Variants in RFFL observed in about 807,000 individuals in gnomAD.
RFFL encodes E3 ubiquitin-protein ligase rififylin.
RFFL carries 16 observed loss-of-function variants against 40.4 expected under a neutral mutation model. The ratio of observed to expected loss-of-function variants is 0.40; its 90% CI spans 0.27 to 0.60. The LOEUF is 0.60. Among genes scored for constraint, RFFL ranks in the 20% least tolerant of loss-of-function variants. RFFL has a pLI of 0.47. For synonymous variants in RFFL, 154 were observed against 167.9 expected, an observed-to-expected ratio of 0.92 and a Z score of 0.64; for missense variants, 367 against 451.7, an observed-to-expected ratio of 0.81 and a Z score of 1.70.
intron 3 of RFFL, among the ~76,000 whole-genome samples, chr17:35,018,445 C>G (rs1030689872): frequency 2.6e-5 from 4 of 152,174 alleles, no homozygotes; most frequent in Non-Finnish European, 5.9e-5. Context: ...ATTCCATCAC[C>G]ATTTAAGCCA....
chr17:35,085,744 G>A (rs1309132453), intron 1 of RFFL, among the ~76,000 whole-genome samples: 1 of 152,146 alleles, frequency 6.6e-6, no homozygotes, highest in Non-Finnish European at 1.5e-5. Flanking sequence ...CAGATTTTAT[G>A]CTTTAAAAAG....
chr17:35,014,385 C>T (rs2090960221), intron 6 of RFFL, among the ~76,000 whole-genome samples: 1 of 152,160 alleles, frequency 6.6e-6, no homozygotes, highest in South Asian at 2.1e-4. Context: ...GAGACCCTCC[C>T]TACCCAGACC....
At chr17:35,030,678 A>C (rs991510489) in intron 1 of RFFL, among the ~76,000 whole-genome samples, 1 of 151,460 alleles carries the variant, frequency 6.6e-6, no homozygotes, top group Admixed American at 6.6e-5. Context: ...CAAGTGATCC[A>C]CCTGCCTTGG....
At chr17:35,079,920 A>C (rs1300989264) in intron 1 of RFFL, among the ~76,000 whole-genome samples, 1 of 152,210 alleles carries the variant, frequency 6.6e-6, no homozygotes, top group East Asian at 1.9e-4. Context: ...GACAAACATA[A>C]GAGAATCTGG....
Position 35,033,399 on chromosome 17 carries a change from G to A in RFFL, c.-8-6838C>T, listed in dbSNP as rs189803797. ...CAAAATTACCCGGGTATGGTAGCAC[G>A]CGCCTGTAATCCAAGCTACTGGGGA... On this transcript the variant is annotated intron_variant, in intron 1 of 6. Coordinates refer to ENST00000394597, the MANE Select transcript of RFFL (RefSeq NM_001017368.2). Among the ~76,000 whole-genome samples, 12 of 151,902 alleles carry A rather than the reference G, an allele frequency of 7.9e-5. 1 individual carries two copies. The highest frequency in any genetic ancestry group is 2.1e-4 in the South Asian group (1 of 4,812).
In RFFL at chr17:35,021,470, C is replaced by T. The variant is rs1019668786; in HGVS notation, c.492G>A (p.Gln164=). The change falls in exon 3 of 7, where the codon CAG becomes CAA. Residue 164 remains glutamine, a synonymous_variant. Transcript: ENST00000394597. ...TAGGTGGAACCATGCTGGAGTGAGG[C>T]TGGGTCAGGAAGGCCTGCTGCTCAG... The part of the protein sequence containing the change: ...DFPEQQAFLT[Q]PHSSMVPPTS... 1.9e-6 allele frequency: 3 copies of T among 1,575,454 alleles called. No individual in the cohort carries two copies. The highest frequency in any genetic ancestry group is 2.6e-6 in the Non-Finnish European group (3 of 1,162,008).
chr17:35,042,768 T>C (rs2091174270), intron 1 of RFFL, among the ~76,000 whole-genome samples: 1 of 137,740 alleles, frequency 7.3e-6, no homozygotes, highest in African/African-American at 2.8e-5. Context: ...GAGGTTGCAG[T>C]GAGCTGAGAT....
At position 35,007,270 on chromosome 17, in the gene RFFL, G is replaced by A. The variant is rs2090901960; in HGVS notation, c.*4698C>T. ...TCTTGTCCCTTCTCTGCCTTAGTGT[G>A]TGTTATTGCCATTTCAATGTCAGTG... On this transcript the variant is annotated 3_prime_UTR_variant, in exon 7 of 7. Coordinates refer to ENST00000394597, the MANE Select transcript of RFFL (RefSeq NM_001017368.2). 3.9e-5 allele frequency: 6 copies of A among 152,276 alleles called. 1 individual carries two copies. Among genetic ancestry groups the A allele is most frequent in the Admixed American group, 3.9e-4 (6 of 15,274 alleles). The allele number at this position is 152,276 out of a possible 1,614,324, so 9.4% of individuals were successfully genotyped here. A position where few individuals can be genotyped will look rare whatever the true frequency, so the allele number is the denominator to read the frequency against.
intron 1 of RFFL, among the ~76,000 whole-genome samples, chr17:35,054,697 G>T (rs558162097): frequency 9.2e-5 from 14 of 152,124 alleles, no homozygotes; most frequent in Non-Finnish European, 2.1e-4. Context: ...TCCTGATAGG[G>T]CTTTCCAAAG....
In RFFL at chr17:35,017,487, G is replaced by A. The variant is rs181927962; in HGVS notation, c.675+36C>T. ...GTTCCGAAGAACACCAGTGAAAGAGGAAAGGTGAAGACACAGACCCAAGCA... is the reference window on the plus strand; with the variant it reads ...GTTCCGAAGAACACCAGTGAAAGAGAAAAGGTGAAGACACAGACCCAAGCA... On this transcript the variant is annotated intron_variant, in intron 4 of 6. Transcript: ENST00000394597. 509 of 1,379,724 alleles carry A rather than the reference G, an allele frequency of 3.7e-4. 1 individual carries two copies. The highest frequency in any genetic ancestry group is 2.5e-3 in the Admixed American group (142 of 56,448). 85.5% of individuals were successfully genotyped at this position (1,379,724 alleles called of 1,614,324 possible).
At chr17:35,054,725 T>G (rs1484829546) in intron 1 of RFFL, among the ~76,000 whole-genome samples, 1 of 152,020 alleles carries the variant, frequency 6.6e-6, no homozygotes, top group African/African-American at 2.4e-5. Context: ...TCATGCAAGG[T>G]TTAGGAGCAT....
chr17:35,028,485 T>C (rs1361749914), intron 1 of RFFL, among the ~76,000 whole-genome samples: 1 of 152,028 alleles, frequency 6.6e-6, no homozygotes, highest in African/African-American at 2.4e-5. Context: ...ACCTAACAAT[T>C]GTAAGAGGGC....
chr17:35,069,494 A>T, intron 1 of RFFL: 1 of 361,856 alleles, frequency 2.8e-6, no homozygotes, highest in South Asian at 2.1e-5. Flanking sequence ...GAAGAGGGAG[A>T]GAAGGCAGAA....
intron 1 of RFFL, among the ~76,000 whole-genome samples, chr17:35,075,832 C>G (rs968975327): frequency 5.3e-5 from 8 of 152,010 alleles, no homozygotes; most frequent in Non-Finnish European, 1.2e-4. Flanking sequence ...ATTGCACACC[C>G]CTAAATTTTA....
chr17:35,034,390 A>T (rs2091106437), intron 1 of RFFL, among the ~76,000 whole-genome samples: 1 of 152,142 alleles, frequency 6.6e-6, no homozygotes. Context: ...TGAAAAAAAT[A>T]AACTTTTGTT....
At chr17:35,044,693 T>C (rs2091187250) in intron 1 of RFFL, among the ~76,000 whole-genome samples, 1 of 152,180 alleles carries the variant, frequency 6.6e-6, no homozygotes, top group Non-Finnish European at 1.5e-5. Flanking sequence ...AGGGCCTTAC[T>C]CCTTACTCTA....
chr17:35,011,927 G>C lies in RFFL; in HGVS notation c.*41C>G, dbSNP rs1342002685. ...CCAACCCTGAGCCCAGACACCCCAG[G>C]CTATTTCCCTGTAAGGCACTGAAGA... is the stretch of plus-strand genomic sequence containing the variant. On this transcript the variant is annotated 3_prime_UTR_variant, in exon 7 of 7. Transcript: ENST00000394597. 1.3e-6 allele frequency: 2 copies of C among 1,597,342 alleles called. No homozygotes were observed. The highest frequency in any genetic ancestry group is 2.2e-5 in the East Asian group (1 of 44,746).
chr17:35,076,619 G>A lies in RFFL; in HGVS notation c.-9+12486C>T, dbSNP rs144612586. 1,407 of 150,492 alleles carry A rather than the reference G, an allele frequency of 9.3e-3. 15 individuals carry two copies. The highest frequency in any genetic ancestry group is 0.03 in the African/African-American group (1,252 of 41,078). The allele number at this position is 150,492 out of a possible 1,614,324, so 9.3% of individuals were successfully genotyped here. On this transcript the variant is annotated intron_variant, in intron 1 of 6. Coordinates refer to the RFFL transcript ENST00000315249. ...CTTGAACCCGGGAGGCGGAGGTTGC[G>A]GTGAGCCAAGATCGCACGATTGCAC...
At chr17:35,065,145 T>C (rs935005951), upstream of RFFL, among the ~76,000 whole-genome samples, 8 of 151,872 alleles carry the variant, frequency 5.3e-5, no homozygotes, top group African/African-American at 1.2e-4. Context: ...CTGTAGTTGA[T>C]GATAAGTTAC....
Sources: allele counts gnomAD v4.1 joint callset (sites outside exome capture counted in the v4.1 genomes callset), GRCh38; gene constraint gnomAD v4.1.1; transcripts MANE v1.5; gene names NCBI Gene and HGNC (gene_info 2026-07-23, HGNC 2026-07-21).